LCORL: variants seen among roughly 807,000 people sequenced by gnomAD.
The protein encoded by LCORL is ligand dependent nuclear receptor corepressor like, also known as ligand-dependent nuclear receptor corepressor-like protein.
A neutral mutation model predicts 141.8 loss-of-function variants in LCORL; 41 were observed. That is an observed-to-expected ratio of 0.29 (90% CI 0.23 to 0.38). The LOEUF (loss-of-function observed/expected upper bound fraction) is 0.38. Among genes scored for constraint, LCORL ranks in the 10% least tolerant of loss-of-function variants. The pLI, the probability that LCORL is intolerant of heterozygous loss-of-function variation, is 1.00. For synonymous variants in LCORL, 618 were observed against 694.1 expected (o/e 0.89, Z 1.72); for missense variants, 1,759 against 2,035.0 (o/e 0.86, Z 2.61).
chr4:17,903,365 A>T (rs1731158653), intron 5 of LCORL, among the ~76,000 whole-genome samples: 1 of 152,006 alleles, frequency 6.6e-6, no homozygotes. Flanking sequence ...GCCCAATCTG[A>T]TCTTGTTCTG....
At position 17,975,599 on chromosome 4, in the gene LCORL, T is replaced by A. The variant is rs60639019; in HGVS notation, c.155-2714A>T. ...TTAGTAGAGATGAGGTTTCACCATG[T>A]TGGCCAGGCTGGTCTCAAACTCCTG... On this transcript the variant is annotated intron_variant, in intron 1 of 7. Transcript: ENST00000635767. 2.6e-3 allele frequency among the ~76,000 whole-genome samples: 401 copies of A among 152,270 alleles called. 3 individuals carry two copies. Among genetic ancestry groups the A allele is most frequent in the African/African-American group, 9.0e-3 (374 of 41,572 alleles).
intron 4 of LCORL, among the ~76,000 whole-genome samples, chr4:17,930,587 G>A (rs183092666): frequency 2.2e-4 from 34 of 152,224 alleles, no homozygotes; most frequent in South Asian, 1.2e-3. Context: ...AGATTAACAA[G>A]TGAATAATAT....
At chr4:17,899,157 T>G (rs1465190333) in intron 5 of LCORL, among the ~76,000 whole-genome samples, 2 of 152,222 alleles carry the variant, frequency 1.3e-5, no homozygotes, top group Non-Finnish European at 2.9e-5. Flanking sequence ...TTGAAACTCT[T>G]AATAGATTAG....
intron 4 of LCORL, among the ~76,000 whole-genome samples, chr4:17,961,565 A>T (rs1226842589): frequency 1.3e-5 from 2 of 152,066 alleles, no homozygotes; most frequent in East Asian, 1.9e-4. Context: ...CTTATTGAAC[A>T]TCAAACAAAT....
chr4:18,013,435 C>G (rs1297056371), intron 1 of LCORL, among the ~76,000 whole-genome samples: 3 of 152,110 alleles, frequency 2.0e-5, no homozygotes, highest in South Asian at 2.1e-4. Flanking sequence ...TACCTTCAGC[C>G]CAGATACTAC....
At chr4:17,901,956 T>C (rs1363503178) in intron 5 of LCORL, among the ~76,000 whole-genome samples, 2 of 151,910 alleles carry the variant, frequency 1.3e-5, no homozygotes, top group South Asian at 2.1e-4. Context: ...ACATCCAATA[T>C]GGGAGGTGTG....
rs1210477755 is a variant in LCORL, at chr4:17,884,786, T to C, written c.776+1282A>G. ...ATGGAATGAAACGATGGTAAACTGA[T>C]GCATGAGAGACTCTCACACAGCTAT... On this transcript the variant is annotated intron_variant, in intron 6 of 7. Coordinates refer to ENST00000635767, the Ensembl canonical transcript of LCORL. This position sits in a 1 kb window ranked among gnomAD's most constrained non-coding sequence, Gnocchi z 4.4. 7 of 1,205,458 alleles carry C rather than the reference T, an allele frequency of 5.8e-6. No homozygotes were observed. The highest frequency in any genetic ancestry group is 7.9e-6 in the Non-Finnish European group (7 of 885,736). 74.7% of individuals were successfully genotyped at this position (1,205,458 alleles called of 1,614,324 possible). A position where few individuals can be genotyped will look rare whatever the true frequency, so the allele number is the denominator to read the frequency against.
intron 4 of LCORL, among the ~76,000 whole-genome samples, chr4:17,910,309 C>T (rs1732320615): frequency 6.6e-6 from 1 of 152,158 alleles, no homozygotes; most frequent in Non-Finnish European, 1.5e-5. Flanking sequence ...TGGCTCCATT[C>T]CCTTTATTTA....
chr4:17,874,092 T>C, exon 7 of LCORL: 3 of 1,227,920 alleles, frequency 2.4e-6, no homozygotes, highest in Non-Finnish European at 3.0e-6. Context: ...AAATTGGTTC[T>C]GGCAGAAAAA....
intron 5 of LCORL, among the ~76,000 whole-genome samples, chr4:17,900,449 C>A (rs992611502): frequency 1.1e-4 from 16 of 152,084 alleles, no homozygotes; most frequent in Admixed American, 6.6e-5. Context: ...TGGAGGACTT[C>A]CTCTCATTAT....
In LCORL at chr4:17,970,954, C is replaced by G. The variant is rs369199317; in HGVS notation, c.220+1866G>C. The stretch of plus-strand genomic sequence containing the variant: ...AAGTTCATCTGATATTCCACACTAG[C>G]ATTACACATATAATATGATCAAAAT... On this transcript the variant is annotated intron_variant, in intron 2 of 7. Transcript: ENST00000635767. 2.2e-4 allele frequency among the ~76,000 whole-genome samples: 34 copies of G among 152,170 alleles called. No homozygotes were observed. In the South Asian group the frequency reaches 7.0e-3, roughly 32 times the overall value.
intron 1 of LCORL, among the ~76,000 whole-genome samples, chr4:17,985,036 T>C (rs749237781): frequency 1.3e-5 from 2 of 152,186 alleles, no homozygotes; most frequent in Admixed American, 6.5e-5. Context: ...CAACGTGCTA[T>C]TCAAGAGCAC....
At chr4:17,896,346 C>T (rs1200545975) in intron 5 of LCORL, among the ~76,000 whole-genome samples, 3 of 152,186 alleles carry the variant, frequency 2.0e-5, no homozygotes, top group Non-Finnish European at 2.9e-5. Context: ...TGCAATGGCA[C>T]AATCTCAGCT....
chr4:17,899,411 A>T (rs951807382), intron 5 of LCORL, among the ~76,000 whole-genome samples: 4 of 152,186 alleles, frequency 2.6e-5, no homozygotes, highest in African/African-American at 9.7e-5. Context: ...AGGCAAAGGG[A>T]TCAGCAGCCC....
At chr4:18,007,974 C>G (rs928336178) in intron 1 of LCORL, among the ~76,000 whole-genome samples, 1 of 151,992 alleles carries the variant, frequency 6.6e-6, no homozygotes, top group Admixed American at 6.6e-5. Flanking sequence ...AAAAAAAATA[C>G]AGGATTTTAC....
chr4:17,909,343 G>C, exon 5 of LCORL: 2 of 1,572,360 alleles, frequency 1.3e-6, no homozygotes, highest in Non-Finnish European at 1.7e-6. Context: ...TTCTGAGGAA[G>C]ATCTAGGGAA....
intron 1 of LCORL, among the ~76,000 whole-genome samples, chr4:17,998,255 T>C (rs1721227570): frequency 6.6e-6 from 1 of 152,218 alleles, no homozygotes; most frequent in South Asian, 2.1e-4. Context: ...GACATTACCA[T>C]ATACTACTGT....
chr4:17,875,736 C>T (rs1230156836), exon 7 of LCORL: 1 of 1,230,908 alleles, frequency 8.1e-7, no homozygotes, highest in Non-Finnish European at 1.0e-6. Context: ...AACTTGGGGA[C>T]CTATTTTTTT....
rs1448484375 is a variant in LCORL, at chr4:17,876,818, AGTT to A, written c.2169_2171del (p.Thr724del). On this transcript the variant is annotated inframe_deletion, in exon 7 of 8. Transcript: ENST00000635767. ...TTCTTATGCTCATTTTCTCAGGGGA[AGTT>A]GTTTTAAAGCTTTCTGAAAATTCAT... 1.3e-5 allele frequency: 16 copies of A among 1,230,684 alleles called. No homozygotes were observed. The African/African-American group carries it at 2.0e-4, about 16-fold the overall frequency. The allele number at this position is 1,230,684 out of a possible 1,614,324, so 76.2% of individuals were successfully genotyped here. A position where few individuals can be genotyped will look rare whatever the true frequency, so the allele number is the denominator to read the frequency against.
Sources: gnomAD v4.1 joint callset for allele counts (sites outside exome capture counted in the v4.1 genomes callset) on GRCh38, gnomAD v4.1.1 for gene constraint, Gnocchi (gnomAD v3.1) non-coding constraint, MANE v1.5 for transcripts, NCBI Gene and HGNC (gene_info 2026-07-23, HGNC 2026-07-21) for gene names.